Variants in CLTC observed in about 807,000 individuals in gnomAD.
CLTC encodes the protein clathrin heavy chain, also known as clathrin heavy chain 1.
A neutral mutation model predicts 195.8 loss-of-function variants in CLTC; 16 were observed. That is an observed-to-expected ratio of 0.08 (90% CI 0.06 to 0.12). The LOEUF (loss-of-function observed/expected upper bound fraction) is 0.12, where lower values mean the gene tolerates loss of function less well. CLTC is among the 10% of genes least tolerant of loss of function. The probability of loss-of-function intolerance (pLI) is 1.00; values close to 1 mark genes in which losing one functional copy is unlikely to be tolerated. For missense variants in CLTC, 796 were observed against 2,027.0 expected (o/e 0.39, Z 11.66); for synonymous variants, 667 against 689.4 (o/e 0.97, Z 0.51).
Position 59,695,286 on chromosome 17 carries a change from T to C in CLTC, c.*1434T>C, listed in dbSNP as rs774872790. On this transcript the variant is annotated 3_prime_UTR_variant, in exon 32 of 32. Transcript: ENST00000269122. The stretch of plus-strand genomic sequence containing the variant: ...AGCTACACATACCCCCTTGCCTAGT[T>C]AGTCTTGCACTGCTTTACAACTCTC... 1.2e-4 allele frequency: 22 copies of C among 190,356 alleles called. No individual in the cohort carries two copies. The highest frequency in any genetic ancestry group is 6.6e-5 in the Non-Finnish European group (6 of 90,780). The allele number at this position is 190,356 out of a possible 1,614,324, so 11.8% of individuals were successfully genotyped here. A position where few individuals can be genotyped will look rare whatever the true frequency, so the allele number is the denominator to read the frequency against.
chr17:59,665,962 T>A (rs970540256), intron 10 of CLTC, 141 bp from the exon 11 acceptor site: 4 of 506,494 alleles, frequency 7.9e-6, no homozygotes, highest in African/African-American at 7.6e-5. Flanking sequence ...ATAACTATGA[T>A]CCCTAGAGGA....
chr17:59,640,615 A>G (rs1175280602), intron 1 of CLTC, among the ~76,000 whole-genome samples: 2 of 151,436 alleles, frequency 1.3e-5, no homozygotes, highest in Admixed American at 6.6e-5. Flanking sequence ...AGCCAGGATG[A>G]TCTCGATCTC....
chr17:59,661,756 G>A lies in CLTC; in HGVS notation c.1368+113G>A. 7.0e-6 allele frequency: 6 copies of A among 859,302 alleles called. No homozygotes were observed. In the South Asian group the frequency reaches 9.2e-5, roughly 13 times the overall value. The allele number at this position is 859,302 out of a possible 1,614,324, so 53.2% of individuals were successfully genotyped here. On this transcript the variant is annotated intron_variant, in intron 8 of 31. Transcript: ENST00000269122. Reference sequence around the variant, plus strand: ...GTCTCCATTACTGCTGGTAGAAACAGAACAAAAACACACATTGCATAAGAT... The same window carrying A: ...GTCTCCATTACTGCTGGTAGAAACAAAACAAAAACACACATTGCATAAGAT...
intron 1 of CLTC, among the ~76,000 whole-genome samples, chr17:59,637,369 C>T (rs914424762): frequency 4.6e-5 from 7 of 151,282 alleles, no homozygotes; most frequent in Non-Finnish European, 1.0e-4. Flanking sequence ...CTCAGCCTCC[C>T]GAGTAGCTGG....
Position 59,681,483 on chromosome 17 carries a change from A to G in CLTC, c.3249+5A>G. 1 of 1,613,516 alleles carries G rather than the reference A, an allele frequency of 6.2e-7. No individual in the cohort carries two copies. Among genetic ancestry groups the G allele is most frequent in the African/African-American group, 1.3e-5 (1 of 75,024 alleles). ...GTCAATACTTCAGCAGTTCAGGTAA[A>G]TCTTCAGATTACCTAAGTTGAATTA... is the stretch of plus-strand genomic sequence containing the variant. On this transcript the variant is annotated splice_donor_5th_base_variant and intron_variant, in intron 20 of 31. Transcript: ENST00000269122. This position sits in a 1 kb window ranked among gnomAD's most constrained non-coding sequence, Gnocchi z 5.0.
At chr17:59,680,303 A>T (rs889367700) in intron 18 of CLTC, among the ~76,000 whole-genome samples, 1 of 152,196 alleles carries the variant, frequency 6.6e-6, no homozygotes, top group Non-Finnish European at 1.5e-5. Context: ...TAGAACTGCA[A>T]ATGAGATGGG....
rs113214072 is a variant in CLTC, at chr17:59,642,011, T to G, written c.43-2265T>G. Among the ~76,000 whole-genome samples the G allele has an allele frequency of 6.9e-3, 1,044 of 151,532 alleles. 12 individuals are homozygous for G. Among genetic ancestry groups the G allele is most frequent in the African/African-American group, 0.023 (943 of 41,314 alleles). ...CCAAATCTTTGTTGTTTTTTTTTTT[T>G]TTTTTTTTTTTTACAAGTAAAATAC... On this transcript the variant is annotated intron_variant, in intron 1 of 31. Transcript: ENST00000269122.
At chr17:59,661,950 A>G (rs890372030) in intron 8 of CLTC, among the ~76,000 whole-genome samples, 12 of 152,104 alleles carry the variant, frequency 7.9e-5, no homozygotes, top group Admixed American at 5.9e-4. Context: ...TAAAAATACA[A>G]AAATCAGCTG....
intron 28 of CLTC, among the ~76,000 whole-genome samples, chr17:59,684,793 G>A (rs2033145774): frequency 8.2e-6 from 1 of 122,262 alleles, no homozygotes; most frequent in Non-Finnish European, 1.7e-5. Flanking sequence ...GGCAACAGAG[G>A]GAGACTCCAT....
intron 5 of CLTC, among the ~76,000 whole-genome samples, chr17:59,652,426 G>A (rs1474596608): frequency 1.3e-5 from 2 of 152,190 alleles, no homozygotes; most frequent in African/African-American, 4.8e-5. Flanking sequence ...CAGGGCAGCT[G>A]TGGTCTTATG....
Position 59,683,521 on chromosome 17 carries a change from A to G in CLTC, c.4176A>G (p.Lys1392=), listed in dbSNP as rs1179253318. 1 of 1,613,794 alleles carries G rather than the reference A, an allele frequency of 6.2e-7. No individual in the cohort carries two copies. Among genetic ancestry groups the G allele is most frequent in the Non-Finnish European group, 8.5e-7 (1 of 1,179,918 alleles). ...PTDAWKEGQF[K]DIITKVANVE... Reference sequence around the variant, plus strand: ...ATGCCTGGAAAGAAGGGCAATTCAAAGATATCATTACCAAGGTGTGTACTT... The same window carrying G: ...ATGCCTGGAAAGAAGGGCAATTCAAGGATATCATTACCAAGGTGTGTACTT... The change falls in exon 26 of 32, where the codon AAA becomes AAG. Residue 1392 remains lysine, a synonymous_variant. Coordinates refer to ENST00000269122, the MANE Select transcript of CLTC (RefSeq NM_004859.4). This position sits in a 1 kb window ranked among gnomAD's most constrained non-coding sequence, Gnocchi z 6.1.
rs749736750 is a variant in CLTC, at chr17:59,685,113, C to T, written c.4492C>T (p.Arg1498Cys). 8.1e-6 allele frequency: 13 copies of T among 1,608,630 alleles called. No individual in the cohort carries two copies. Among genetic ancestry groups the T allele is most frequent in the African/African-American group, 1.3e-5 (1 of 74,780 alleles). ...CTTTGACAATATCTCGCTTGCTCAG[C>T]GTTTGGAAAAACATGAACTCATTGA... ...DNFDNISLAQ[R>C]LEKHELIEFR... The change falls in exon 29 of 32, where the codon CGT becomes TGT. Residue 1498 changes from arginine to cysteine, a missense_variant. By Grantham distance (180) the Arg-to-Cys change is radical. Around this residue, in one of 9 missense-constraint regions of CLTC, gnomAD observed 148 missense variants for 279.5 expected, o/e 0.53. Coordinates refer to ENST00000269122, the MANE Select transcript of CLTC (RefSeq NM_004859.4). The surrounding 1 kb of genome is among the most constrained non-coding windows in gnomAD (Gnocchi z 5.0).
intron 1 of CLTC, among the ~76,000 whole-genome samples, chr17:59,622,138 T>G (rs1440015426): frequency 6.6e-6 from 1 of 152,238 alleles, no homozygotes; most frequent in African/African-American, 2.4e-5. Flanking sequence ...GATCAAAGTT[T>G]CTGCAGATGC....
intron 1 of CLTC, among the ~76,000 whole-genome samples, chr17:59,643,407 T>A (rs1352780969): frequency 6.6e-6 from 1 of 152,196 alleles, no homozygotes; most frequent in Non-Finnish European, 1.5e-5. Context: ...CATCTTTAGA[T>A]CCACTATATT....
chr17:59,641,096 T>TGGC (rs2143486076), intron 1 of CLTC, among the ~76,000 whole-genome samples: 1 of 144,512 alleles, frequency 6.9e-6, no homozygotes, highest in Admixed American at 7.1e-5. Context: ...TCCAGCCTGG[T>TGGC]GACAGAGCGA....
chr17:59,652,616 CTT>C (rs370929446), intron 5 of CLTC, among the ~76,000 whole-genome samples: 1 of 151,462 alleles, frequency 6.6e-6, no homozygotes, highest in Non-Finnish European at 1.5e-5. Flanking sequence ...TGAAAGGAAT[CTT>C]TTTTTTTCTG....
At chr17:59,638,501 C>A (rs979832606) in intron 1 of CLTC, among the ~76,000 whole-genome samples, 6 of 36,680 alleles carry the variant, frequency 1.6e-4, no homozygotes, top group African/African-American at 1.3e-3. Flanking sequence ...TGGTCCACAA[C>A]CTTTTTGGCG....
At chr17:59,667,167 A>C in intron 13 of CLTC, 190 bp downstream of exon 13, 1 of 417,560 alleles carries the variant, frequency 2.4e-6, no homozygotes, top group Non-Finnish European at 4.3e-6. Flanking sequence ...GCAGTGAACC[A>C]GACCATCTGT....
intron 2 of CLTC, among the ~76,000 whole-genome samples, chr17:59,644,903 G>A (rs1238797604): frequency 6.6e-6 from 1 of 152,154 alleles, no homozygotes; most frequent in African/African-American, 2.4e-5. Context: ...ACCTTTTTAA[G>A]TATATTGATT....
Sources: allele counts gnomAD v4.1 joint callset (sites outside exome capture counted in the v4.1 genomes callset), GRCh38; gene constraint gnomAD v4.1.1; regional missense constraint gnomAD v4.1.1; non-coding constraint Gnocchi (gnomAD v3.1); transcripts MANE v1.5; gene names NCBI Gene and HGNC (gene_info 2026-07-23, HGNC 2026-07-21).